Variants in NUMB observed in about 807,000 individuals in gnomAD.
NUMB encodes NUMB endocytic adaptor protein.
Under a neutral mutation model 59.7 loss-of-function variants are expected in NUMB, and 29 were observed. That is an observed-to-expected ratio of 0.49 (90% CI 0.36 to 0.66). The LOEUF (loss-of-function observed/expected upper bound fraction) is 0.66, where lower values mean the gene tolerates loss of function less well. Among genes scored for constraint, NUMB ranks in the 30% least tolerant of loss-of-function variants. NUMB has a pLI of 0.00. For missense variants in NUMB, 723 were observed against 822.0 expected (o/e 0.88, Z 1.47); for synonymous variants, 288 against 288.2 (o/e 1.00, Z 0.01).
chr14:73,451,163 A>AAC (rs1555384832), intron 1 of NUMB, among the ~76,000 whole-genome samples: 1 of 139,984 alleles, frequency 7.1e-6, no homozygotes, highest in Non-Finnish European at 1.5e-5. Flanking sequence ...CAAAAAAAAA[A>AAC]AAAAAAAAAA....
chr14:73,392,614 G>A (rs1895906664), intron 2 of NUMB, among the ~76,000 whole-genome samples: 2 of 152,204 alleles, frequency 1.3e-5, no homozygotes, highest in East Asian at 3.8e-4. Context: ...TTTATTGGCT[G>A]TAGTTTATAG....
intron 7 of NUMB, among the ~76,000 whole-genome samples, chr14:73,294,731 A>G (rs1215587181): frequency 1.4e-5 from 2 of 147,016 alleles, no homozygotes; most frequent in Non-Finnish European, 3.0e-5. Context: ...GTTGGCCAGG[A>G]TGGTCTCAAA....
intron 1 of NUMB, among the ~76,000 whole-genome samples, chr14:73,414,416 C>T (rs1897030766): frequency 2.0e-5 from 3 of 152,164 alleles, no homozygotes; most frequent in African/African-American, 7.2e-5. Context: ...TGTTTTGAGA[C>T]AGGGTCTCAC....
intron 3 of NUMB, among the ~76,000 whole-genome samples, chr14:73,360,882 T>C (rs1190085636): frequency 6.6e-6 from 1 of 152,044 alleles, no homozygotes. Context: ...GTCTATCTTA[T>C]CTTTTATCTT....
intron 2 of NUMB, among the ~76,000 whole-genome samples, chr14:73,372,306 TA>T (rs1381227259): frequency 9.9e-4 from 7 of 7,058 alleles, no homozygotes; most frequent in African/African-American, 4.4e-3. Context: ...ATATTTCTTT[TA>T]TATATATATA....
chr14:73,434,762 C>A (rs1198867601), intron 1 of NUMB, among the ~76,000 whole-genome samples: 2 of 151,954 alleles, frequency 1.3e-5, no homozygotes, highest in African/African-American at 4.8e-5. Context: ...CAAAACACAG[C>A]CTGAAGTCTT....
intron 6 of NUMB, among the ~76,000 whole-genome samples, chr14:73,307,196 C>A (rs1890488230): frequency 6.6e-6 from 1 of 151,952 alleles, no homozygotes; most frequent in Admixed American, 6.5e-5. Context: ...GTAGTCCCAG[C>A]TACTCGGGAG....
At chr14:73,321,348 T>C (rs889334660) in intron 5 of NUMB, among the ~76,000 whole-genome samples, 14 of 152,184 alleles carry the variant, frequency 9.2e-5, no homozygotes, top group African/African-American at 3.4e-4. Context: ...AAATATTATT[T>C]AATGGGCAAA....
chr14:73,411,592 A>G (rs1184758264), intron 1 of NUMB, among the ~76,000 whole-genome samples: 5 of 152,254 alleles, frequency 3.3e-5, no homozygotes. Flanking sequence ...GCTTCTAAGC[A>G]GCTGAAGGTC....
chr14:73,341,897 C>A (rs77221132), intron 4 of NUMB, among the ~76,000 whole-genome samples: 2,052 of 152,204 alleles, frequency 0.013, 50 homozygotes, highest in African/African-American at 0.047. Flanking sequence ...TCAAATCCTA[C>A]CTTCAAATAA....
intron 4 of NUMB, among the ~76,000 whole-genome samples, chr14:73,353,129 G>GGCT (rs1054516623): frequency 1.9e-5 from 2 of 105,748 alleles, no homozygotes; most frequent in Non-Finnish European, 3.6e-5. Flanking sequence ...TTGTTGCCCG[G>GGCT]GCTGGAGTGC....
At chr14:73,440,704 G>C (rs1209316559) in intron 1 of NUMB, among the ~76,000 whole-genome samples, 1 of 151,478 alleles carries the variant, frequency 6.6e-6, no homozygotes, top group African/African-American at 2.4e-5. Context: ...GGTGGCAGGT[G>C]CCTATAATCC....
chr14:73,437,561 G>GT (rs1342416770), intron 1 of NUMB, among the ~76,000 whole-genome samples: 1 of 152,024 alleles, frequency 6.6e-6, no homozygotes, highest in East Asian at 1.9e-4. Flanking sequence ...AACAACAGAT[G>GT]TAAGAAACAA....
At chr14:73,283,252 GA>G (rs1888751704) in intron 10 of NUMB, among the ~76,000 whole-genome samples, 2 of 152,124 alleles carry the variant, frequency 1.3e-5, no homozygotes, top group African/African-American at 4.8e-5. Flanking sequence ...GCTGAGAACT[GA>G]AAAGACCCTC....
At chr14:73,318,087 T>C (rs943832131) in intron 5 of NUMB, among the ~76,000 whole-genome samples, 1 of 152,236 alleles carries the variant, frequency 6.6e-6, no homozygotes, top group African/African-American at 2.4e-5. Flanking sequence ...GACTAGATTA[T>C]TTCTGCTGCC....
chr14:73,455,657 GTA>G (rs1205141285), intron 1 of NUMB, among the ~76,000 whole-genome samples: 10 of 152,162 alleles, frequency 6.6e-5, no homozygotes, highest in Admixed American at 2.6e-4. Context: ...AAAAATATCT[GTA>G]TATGTTTTAT....
chr14:73,361,835 A>ATTT (rs1894109943), intron 3 of NUMB, among the ~76,000 whole-genome samples: 1 of 152,218 alleles, frequency 6.6e-6, no homozygotes, highest in African/African-American at 2.4e-5. Context: ...AGAGACAGAA[A>ATTT]AGGGGCATTT....
intron 1 of NUMB, among the ~76,000 whole-genome samples, chr14:73,445,581 A>G (rs1430204701): frequency 1.3e-5 from 2 of 152,088 alleles, no homozygotes; most frequent in African/African-American, 4.8e-5. Context: ...ACACAGAGAA[A>G]GTTTTTTACC....
intron 1 of NUMB, among the ~76,000 whole-genome samples, chr14:73,437,753 G>A (rs1898119047): frequency 1.3e-5 from 2 of 152,016 alleles, no homozygotes; most frequent in South Asian, 4.1e-4. Flanking sequence ...GGAGAGGGAG[G>A]GCAAAAGAAC....
Sources: gnomAD v4.1 joint callset for allele counts (sites outside exome capture counted in the v4.1 genomes callset) on GRCh38, gnomAD v4.1.1 for gene constraint, MANE v1.5 for transcripts, NCBI Gene and HGNC (gene_info 2026-07-23, HGNC 2026-07-21) for gene names.